RIMBP2: variants seen among roughly 807,000 people sequenced by gnomAD.
RIMBP2 encodes the protein RIMS-binding protein 2.
In RIMBP2, 48 loss-of-function variants were observed where a neutral mutation model predicts 118.6. The ratio of observed to expected loss-of-function variants is 0.40; its 90% CI spans 0.32 to 0.51. The LOEUF (loss-of-function observed/expected upper bound fraction) is 0.51, where lower values mean the gene tolerates loss of function less well. Among genes scored for constraint, RIMBP2 ranks in the 20% least tolerant of loss-of-function variants. RIMBP2 has a pLI of 0.41. For missense variants in RIMBP2, 1,551 were observed against 1,768.3 expected (o/e 0.88, Z 2.20); for synonymous variants, 762 against 742.9 (o/e 1.03, Z -0.42).
chr12:130,689,420 T>C (rs1007346410), intron 1 of RIMBP2, among the ~76,000 whole-genome samples: 1 of 151,660 alleles, frequency 6.6e-6, no homozygotes, highest in African/African-American at 2.4e-5. Flanking sequence ...GCAACAAGAG[T>C]GAAATTCCAT....
At chr12:130,438,155 G>A (rs1209889937) in intron 12 of RIMBP2, among the ~76,000 whole-genome samples, 1 of 152,214 alleles carries the variant, frequency 6.6e-6, no homozygotes, top group Non-Finnish European at 1.5e-5. Flanking sequence ...AGCAGGGCAG[G>A]GGATGAGTGA....
chr12:130,410,946 G>C (rs763359609), intron 19 of RIMBP2, among the ~76,000 whole-genome samples: 1 of 152,074 alleles, frequency 6.6e-6, no homozygotes, highest in Non-Finnish European at 1.5e-5. Flanking sequence ...GGCTCACTTG[G>C]GGCAGCTGAC....
intron 20 of RIMBP2, among the ~76,000 whole-genome samples, chr12:130,407,300 T>C (rs940168222): frequency 1.3e-5 from 2 of 152,186 alleles, no homozygotes; most frequent in African/African-American, 4.8e-5. Flanking sequence ...CATCCCAAGC[T>C]GTGCCAGGCG....
intron 6 of RIMBP2, among the ~76,000 whole-genome samples, chr12:130,462,405 C>G (rs1038979144): frequency 6.6e-6 from 1 of 152,182 alleles, no homozygotes; most frequent in Non-Finnish European, 1.5e-5. Flanking sequence ...ACAGCTGCCC[C>G]GAGGATGCCT....
chr12:130,539,076 G>GC (rs1275586737), intron 2 of RIMBP2, among the ~76,000 whole-genome samples: 1 of 152,098 alleles, frequency 6.6e-6, no homozygotes, highest in Non-Finnish European at 1.5e-5. Context: ...CATCCAGCTT[G>GC]CCCCTTTTAA....
At chr12:130,413,366 C>T (rs1156756587) in intron 18 of RIMBP2, among the ~76,000 whole-genome samples, 1 of 152,158 alleles carries the variant, frequency 6.6e-6, no homozygotes, top group African/African-American at 2.4e-5. Context: ...CTGGATCTCA[C>T]GGCCTGTAAT....
At chr12:130,456,209 C>G (rs1296580736) in intron 7 of RIMBP2, among the ~76,000 whole-genome samples, 1 of 152,206 alleles carries the variant, frequency 6.6e-6, no homozygotes, top group African/African-American at 2.4e-5. Context: ...CCATCAGCAT[C>G]TGTGTGACCC....
At chr12:130,635,469 G>A (rs1452612330) in intron 1 of RIMBP2, among the ~76,000 whole-genome samples, 1 of 152,172 alleles carries the variant, frequency 6.6e-6, no homozygotes, top group Non-Finnish European at 1.5e-5. Flanking sequence ...TGATTACAGT[G>A]GCTTAAGATC....
rs1470922021 is a variant in RIMBP2 at position 130,406,198 on chromosome 12, C to T, written c.3739G>A (p.Glu1247Lys). The change falls in exon 21 of 23, where the codon GAA becomes AAA. Residue 1247 changes from glutamate (E) to lysine (K), a missense_variant. Around this residue, in one of 5 missense-constraint regions of RIMBP2, gnomAD observed 1,038 missense variants for 1,125.1 expected, o/e 0.92. Coordinates refer to ENST00000690449, the MANE Select transcript of RIMBP2 (RefSeq NM_001393629.1). ...CTGDIITVFG[E>K]IDEDGFYYGE... is the part of the protein sequence containing the mutation. ...TAATAAAATCCATCTTCATCAATTT[C>T]ACCAAAAACTGTAATAATATCTCCT... The T allele has an allele frequency of 2.0e-5, 32 of 1,599,006 alleles. No homozygotes were observed. The highest frequency in any genetic ancestry group is 2.7e-5 in the Non-Finnish European group (32 of 1,168,230).
rs2065151554 is a variant in RIMBP2 at position 130,688,298 on chromosome 12, C to G, written c.-352+27924G>C. 6.6e-6 allele frequency among the ~76,000 whole-genome samples: 1 copy of G among 152,142 alleles called. No individual in the cohort carries two copies. The highest frequency in any genetic ancestry group is 2.1e-4 in the South Asian group (1 of 4,826). On this transcript the variant is annotated intron_variant, in intron 1 of 22. Coordinates refer to ENST00000690449, the MANE Select transcript of RIMBP2 (RefSeq NM_001393629.1). The surrounding 1 kb of genome is among the most constrained non-coding windows in gnomAD (Gnocchi z 4.7). ...CAGACCCTCCTGCTGTTTCTGAACTCCTCACCTCCAGCCTTTCTAGCCTCA... is the reference window on the plus strand; with the variant it reads ...CAGACCCTCCTGCTGTTTCTGAACTGCTCACCTCCAGCCTTTCTAGCCTCA...
chr12:130,396,228 T>G lies in RIMBP2; in HGVS notation c.*1133A>C, dbSNP rs1162251341. On this transcript the variant is annotated 3_prime_UTR_variant, in exon 23 of 23. Coordinates refer to ENST00000690449, the MANE Select transcript of RIMBP2 (RefSeq NM_001393629.1). ...AGAGCTTAACCACACATGGATTTCC[T>G]TTAATAATAAATCTACCACATACTA... 2 of 152,800 alleles carry G rather than the reference T, an allele frequency of 1.3e-5. No individual in the cohort carries two copies. Among genetic ancestry groups the G allele is most frequent in the Non-Finnish European group, 2.9e-5 (2 of 68,040 alleles). The allele number at this position is 152,800 out of a possible 1,614,324, so 9.5% of individuals were successfully genotyped here.
intron 1 of RIMBP2, among the ~76,000 whole-genome samples, chr12:130,629,736 G>T (rs2061866730): frequency 6.6e-6 from 1 of 152,124 alleles, no homozygotes; most frequent in African/African-American, 2.4e-5. Context: ...CAATCCAAGA[G>T]CAAAGACCAT....
intron 2 of RIMBP2, among the ~76,000 whole-genome samples, chr12:130,563,268 C>A (rs182560360): frequency 6.6e-6 from 1 of 152,204 alleles, no homozygotes; most frequent in Non-Finnish European, 1.5e-5. Context: ...ACACTTGAAA[C>A]GCGTTCTTAC....
Position 130,428,522 on chromosome 12 carries a change from C to G in RIMBP2, c.2254-185G>C, listed in dbSNP as rs1018293234. The G allele has an allele frequency of 5.5e-6, 3 of 541,930 alleles. No homozygotes were observed. The African/African-American group carries it at 5.8e-5, about 11-fold the overall frequency. 33.6% of individuals were successfully genotyped at this position (541,930 alleles called of 1,614,324 possible). A position where few individuals can be genotyped will look rare whatever the true frequency, so the allele number is the denominator to read the frequency against. ...GCTGGAGAGAGGACACACCCACTCT[C>G]TCTGTTGAAGTGGCACAGATGGGAT... is the stretch of plus-strand genomic sequence containing the variant. On this transcript the variant is annotated intron_variant, in intron 14 of 22. Coordinates refer to ENST00000690449, the MANE Select transcript of RIMBP2 (RefSeq NM_001393629.1).
At chr12:130,648,703 C>T (rs2063095037) in intron 1 of RIMBP2, among the ~76,000 whole-genome samples, 1 of 140,912 alleles carries the variant, frequency 7.1e-6, no homozygotes, top group Non-Finnish European at 1.6e-5. Context: ...GTTGCCCAGG[C>T]TGGAGTGCAG....
chr12:130,453,014 G>A (rs12298211), intron 7 of RIMBP2, among the ~76,000 whole-genome samples: 39,276 of 152,106 alleles, frequency 0.26, 6,291 homozygotes, highest in Non-Finnish European at 0.34. Context: ...CGGGCCCCTC[G>A]AGATGCAAAC....
chr12:130,552,758 T>C (rs1011436782), intron 2 of RIMBP2, among the ~76,000 whole-genome samples: 1 of 152,144 alleles, frequency 6.6e-6, no homozygotes, highest in African/African-American at 2.4e-5. Context: ...AAAGTGAGAT[T>C]GTGTACATCC....
intron 1 of RIMBP2, among the ~76,000 whole-genome samples, chr12:130,645,712 A>C (rs894394376): frequency 9.2e-5 from 14 of 152,214 alleles, no homozygotes; most frequent in Middle Eastern, 3.2e-3. Flanking sequence ...TGATGACATT[A>C]AGTCTCTGGA....
In RIMBP2 at chr12:130,438,536, A is replaced by G; in HGVS notation, c.1505-20T>C. The G allele has an allele frequency of 6.4e-7, 1 of 1,565,196 alleles. No homozygotes were observed. Among genetic ancestry groups the G allele is most frequent in the Non-Finnish European group, 8.7e-7 (1 of 1,154,128 alleles). On this transcript the variant is annotated intron_variant, in intron 11 of 22. Transcript: ENST00000690449. Reference sequence around the variant, plus strand: ...GGGGTCCTGGGAGGGGACAGAAGGGAACGGAGGCGTTCAGGGACCAGCCCT... The same window carrying G: ...GGGGTCCTGGGAGGGGACAGAAGGGGACGGAGGCGTTCAGGGACCAGCCCT...
Sources: allele counts gnomAD v4.1 joint callset (sites outside exome capture counted in the v4.1 genomes callset), GRCh38; gene constraint gnomAD v4.1.1; regional missense constraint gnomAD v4.1.1; non-coding constraint Gnocchi (gnomAD v3.1); transcripts MANE v1.5; gene names NCBI Gene and HGNC (gene_info 2026-07-23, HGNC 2026-07-21).